Variants in INTS14 observed in about 807,000 individuals in gnomAD.
INTS14 encodes integrator complex subunit 14, also known as UPF0464 protein C15orf44.
Under a neutral mutation model 56.9 loss-of-function variants are expected in INTS14, and 27 were observed. That is an observed-to-expected ratio of 0.47 (90% CI 0.35 to 0.65). INTS14 has a LOEUF of 0.65. Ranked by LOEUF, INTS14 falls within the 30% of genes least tolerant of loss-of-function variation. INTS14 has a pLI of 0.00. For synonymous variants in INTS14, 207 were observed against 236.2 expected, an observed-to-expected ratio of 0.88 and a Z score of 1.13; for missense variants, 517 against 632.2, an observed-to-expected ratio of 0.82 and a Z score of 1.95.
rs1444391675 is a variant in INTS14, at chr15:65,581,293, T to C, written c.1305+661A>G. 1.4e-5 allele frequency among the ~76,000 whole-genome samples: 2 copies of C among 142,768 alleles called. 1 individual carries two copies. The highest frequency in any genetic ancestry group is 5.5e-5 in the African/African-American group (2 of 36,654). 93.7% of individuals were successfully genotyped at this position (142,768 alleles called of 152,430 possible). The stretch of plus-strand genomic sequence containing the variant: ...TACTTGGGAGGCTGAGGCAGGAGAA[T>C]TGTTTGAGCCCGCGAGGCGGAGGTT... On this transcript the variant is annotated intron_variant, in intron 11 of 11. Coordinates refer to ENST00000313182, the MANE Select transcript of INTS14 (RefSeq NM_001394796.1).
At chr15:65,595,645 T>G (rs1202573784) in intron 7 of INTS14, 88 bp downstream of exon 7, 2 of 1,052,896 alleles carry the variant, frequency 1.9e-6, no homozygotes, top group East Asian at 5.2e-5. Flanking sequence ...CCCTAAATTC[T>G]GCAAAATGGG....
rs757350250 is a variant in INTS14, at chr15:65,607,360, C to T, written c.21G>A (p.Met7Ile). 1 of 1,614,208 alleles carries T rather than the reference C, an allele frequency of 6.2e-7. No individual in the cohort carries two copies. Among genetic ancestry groups the T allele is most frequent in the South Asian group, 1.1e-5 (1 of 91,078 alleles). The change falls in exon 2 of 12, where the codon ATG (methionine) becomes ATA (isoleucine). Residue 7 changes from methionine (M) to isoleucine (I), a missense_variant. Met to Ile is a conservative substitution (Grantham distance 10). Transcript: ENST00000313182. Reference sequence around the variant, plus strand: ...GTCGGGTCATGGAAAGGGATACATCCATTACCACCACTGTCGGCATGATGA... The same window carrying T: ...GTCGGGTCATGGAAAGGGATACATCTATTACCACCACTGTCGGCATGATGA... MPTVVV[M>I]DVSLSMTRPV...
intron 9 of INTS14, 57 bp from the exon 10 acceptor site, chr15:65,584,945 T>G (rs2072763515): frequency 1.4e-6 from 2 of 1,433,656 alleles, no homozygotes; most frequent in Non-Finnish European, 9.7e-7. Flanking sequence ...CAGTTACATT[T>G]CCATTTAGAC....
At chr15:65,589,269 C>T (rs1331091470) in intron 9 of INTS14, among the ~76,000 whole-genome samples, 1 of 152,176 alleles carries the variant, frequency 6.6e-6, no homozygotes, top group Non-Finnish European at 1.5e-5. Context: ...GCGATCCTTC[C>T]ACCTCCGCCC....
At chr15:65,600,525 A>C (rs1407288028) in intron 3 of INTS14, among the ~76,000 whole-genome samples, 1 of 151,978 alleles carries the variant, frequency 6.6e-6, no homozygotes, top group African/African-American at 2.4e-5. Flanking sequence ...GCTACTTGGG[A>C]GGCTGAGGTG....
chr15:65,590,229 A>G (rs2072974009), intron 9 of INTS14, among the ~76,000 whole-genome samples: 1 of 152,196 alleles, frequency 6.6e-6, no homozygotes, highest in Admixed American at 6.5e-5. Flanking sequence ...CTCCACAGAG[A>G]TATCTTTCTA....
At chr15:65,598,823 A>G (rs1372482694) in intron 5 of INTS14, 49 bp downstream of exon 5, 4 of 1,383,666 alleles carry the variant, frequency 2.9e-6, no homozygotes, top group South Asian at 2.5e-5. Context: ...ATGTCAAATT[A>G]TAATACTGGA....
chr15:65,588,231 G>A (rs2072897856), intron 9 of INTS14, among the ~76,000 whole-genome samples: 2 of 152,102 alleles, frequency 1.3e-5, no homozygotes, highest in African/African-American at 4.8e-5. Flanking sequence ...AGAGGTTGTA[G>A]TGAGCTGAGA....
intron 1 of INTS14, among the ~76,000 whole-genome samples, chr15:65,608,387 AAAT>A (rs2073733615): frequency 6.6e-6 from 1 of 151,610 alleles, no homozygotes; most frequent in African/African-American, 2.4e-5. Flanking sequence ...AAAAAAAAAA[AAAT>A]TTATACAGCT....
intron 10 of INTS14, among the ~76,000 whole-genome samples, chr15:65,583,480 G>GT (rs1407960165): frequency 1.3e-5 from 2 of 152,118 alleles, no homozygotes; most frequent in Non-Finnish European, 2.9e-5. Context: ...TCTAGAATAG[G>GT]TAAGTCCATA....
At chr15:65,610,972 G>A in intron 1 of INTS14, 126 bp downstream of exon 1, 3 of 1,488,562 alleles carry the variant, frequency 2.0e-6, no homozygotes, top group South Asian at 2.6e-5. Context: ...AGACAGCGCG[G>A]GGCGGCCGCC....
In INTS14 at chr15:65,579,374, A is replaced by G; in HGVS notation, c.*34T>C. 1 of 1,596,154 alleles carries G rather than the reference A, an allele frequency of 6.3e-7. No individual in the cohort carries two copies. The stretch of plus-strand genomic sequence containing the variant: ...TTTTACCTAAAGCATTTTCAGTTGA[A>G]ATGAAAAAAGAAGGAAAGCTCCAAA... On this transcript the variant is annotated 3_prime_UTR_variant, in exon 12 of 12. Coordinates refer to ENST00000313182, the MANE Select transcript of INTS14 (RefSeq NM_001394796.1).
intron 10 of INTS14, among the ~76,000 whole-genome samples, chr15:65,583,791 T>A (rs1170736992): frequency 6.6e-6 from 1 of 152,148 alleles, no homozygotes; most frequent in African/African-American, 2.4e-5. Context: ...GTGGTGAAAG[T>A]GGTTCTAATA....
In INTS14 at chr15:65,598,530, C is replaced by T. The variant is rs755077516; in HGVS notation, c.606-67G>A. 373 of 1,490,056 alleles carry T rather than the reference C, an allele frequency of 2.5e-4. 1 individual carries two copies. Among genetic ancestry groups the T allele is most frequent in the South Asian group, 4.0e-4 (31 of 76,912 alleles). The allele number at this position is 1,490,056 out of a possible 1,614,324, so 92.3% of individuals were successfully genotyped here. On this transcript the variant is annotated intron_variant, in intron 5 of 11. Transcript: ENST00000313182. ...TACATATGAAGTTAATTTTTCAGGA[C>T]GCAAGGGTTGTTTTCCTTTCAAGTT...
intron 1 of INTS14, among the ~76,000 whole-genome samples, chr15:65,609,864 G>A (rs1364856122): frequency 6.6e-6 from 1 of 152,152 alleles, no homozygotes; most frequent in Non-Finnish European, 1.5e-5. Context: ...GAAATCTGCT[G>A]TTGACAGTGA....
chr15:65,582,148 T>C (rs1232863490), intron 10 of INTS14, 129 bp from the exon 11 acceptor site: 3 of 799,704 alleles, frequency 3.8e-6, no homozygotes, highest in Non-Finnish European at 5.8e-6. Flanking sequence ...AAGATGAGGA[T>C]CCCTTCTGAG....
intron 7 of INTS14, among the ~76,000 whole-genome samples, chr15:65,594,557 T>G (rs1478293622): frequency 8.6e-6 from 1 of 116,084 alleles, no homozygotes. Flanking sequence ...TACGCCCAGG[T>G]TTTTTTTTTT....
chr15:65,602,667 GTT>G (rs77504217), intron 3 of INTS14, among the ~76,000 whole-genome samples: 1 of 143,066 alleles, frequency 7.0e-6, no homozygotes. Context: ...CTACTACAAT[GTT>G]TTTTTTTTTT....
chr15:65,610,719 T>A, intron 1 of INTS14: 1 of 1,535,494 alleles, frequency 6.5e-7, no homozygotes, highest in Non-Finnish European at 8.7e-7. Flanking sequence ...CCTCCGGGAG[T>A]CCCTCCCCAG....
Sources: gnomAD v4.1 joint callset for allele counts (sites outside exome capture counted in the v4.1 genomes callset) on GRCh38, gnomAD v4.1.1 for gene constraint, MANE v1.5 for transcripts, NCBI Gene and HGNC (gene_info 2026-07-23, HGNC 2026-07-21) for gene names.